AKAP6: variants seen among roughly 807,000 people sequenced by gnomAD.
The protein encoded by AKAP6 is A-kinase anchor protein 6.
A neutral mutation model predicts 188.5 loss-of-function variants in AKAP6; 58 were observed. That is an observed-to-expected ratio of 0.31 (90% confidence interval 0.25 to 0.38). The LOEUF (loss-of-function observed/expected upper bound fraction) is 0.38. Among genes scored for constraint, AKAP6 ranks in the 10% least tolerant of loss-of-function variants. The pLI is 1.00. For missense variants in AKAP6, 2,710 were observed against 2,740.0 expected, an observed-to-expected ratio of 0.99 and a Z score of 0.24; for synonymous variants, 989 against 998.6, an observed-to-expected ratio of 0.99 and a Z score of 0.18.
chr14:32,761,291 C>T (rs532344883), intron 11 of AKAP6, among the ~76,000 whole-genome samples: 1 of 151,972 alleles, frequency 6.6e-6, no homozygotes, highest in Non-Finnish European at 1.5e-5. Context: ...TTGTTATGTC[C>T]CTAGAGTTCT....
chr14:32,333,669 A>T (rs79060508), intron 1 of AKAP6, among the ~76,000 whole-genome samples: 3,343 of 151,954 alleles, frequency 0.022, 45 homozygotes, highest in Middle Eastern at 0.037. Context: ...ATGGGTTTGG[A>T]TTAGAATCTT....
At chr14:32,448,707 A>G (rs560263706) in intron 2 of AKAP6, among the ~76,000 whole-genome samples, 1 of 152,352 alleles carries the variant, frequency 6.6e-6, no homozygotes, top group African/African-American at 2.4e-5. Context: ...TTTGCATACT[A>G]TATCAAGAGA....
chr14:32,466,845 A>ATATATATATATATATATATATATG (rs1555331130), intron 2 of AKAP6, among the ~76,000 whole-genome samples: 1 of 144,222 alleles, frequency 6.9e-6, no homozygotes, highest in African/African-American at 2.6e-5. Flanking sequence ...ATATATATAT[A>ATATATATATATATATATATATATG]TTTTCTTTCT....
At chr14:32,667,228 A>G (rs1888981840) in intron 7 of AKAP6, among the ~76,000 whole-genome samples, 1 of 152,132 alleles carries the variant, frequency 6.6e-6, no homozygotes, top group African/African-American at 2.4e-5. Context: ...GGCTCAGCTG[A>G]ATGCCAAAAA....
rs546667035 is a variant in AKAP6, at chr14:32,360,890, C to T, written c.-35+31482C>T. Among the ~76,000 whole-genome samples, 113 of 151,640 alleles carry T rather than the reference C, an allele frequency of 7.5e-4. 2 individuals carry two copies. The highest frequency in any genetic ancestry group is 3.4e-3 in the Middle Eastern group (1 of 294). ...TCCTGAGTAGCTGGGACCATAAGCACGTGCCACCATGCCCAGCTAATTAAA... is the reference window on the plus strand; with the variant it reads ...TCCTGAGTAGCTGGGACCATAAGCATGTGCCACCATGCCCAGCTAATTAAA... On this transcript the variant is annotated intron_variant, in intron 1 of 13. Coordinates refer to ENST00000280979, the MANE Select transcript of AKAP6 (RefSeq NM_004274.5).
chr14:32,752,038 A>G (rs2032159526), intron 11 of AKAP6, among the ~76,000 whole-genome samples: 1 of 152,130 alleles, frequency 6.6e-6, no homozygotes, highest in Admixed American at 6.5e-5. Flanking sequence ...GTCCCTTTTT[A>G]AGGAGTTTTT....
At chr14:32,557,864 T>C (rs1297282345) in intron 4 of AKAP6, among the ~76,000 whole-genome samples, 1 of 151,382 alleles carries the variant, frequency 6.6e-6, no homozygotes, top group Non-Finnish European at 1.5e-5. Flanking sequence ...CTGTCACCCA[T>C]TTTTTTTTAA....
At position 32,769,037 on chromosome 14, in the gene AKAP6, A is replaced by ATTTTTTTTTTTTTTTTTTTTTTTTTTTT. The variant is rs544997334; in HGVS notation, c.3373-4614_3373-4613insTTTTTTTTTTTTTTTTTTTTTTTTTTTT. ...ACTAGGGGATGCAGCTGCTCTTTTG[A>ATTTTTTTTTTTTTTTTTTTTTTTTTTTT]TTTTTTTTTTTTTTTTTTTTTTTTT... On this transcript the variant is annotated intron_variant, in intron 11 of 13. Transcript: ENST00000280979. Among the ~76,000 whole-genome samples, 14 of 56,922 alleles carry ATTTTTTTTTTTTTTTTTTTTTTTTTTTT rather than the reference A, an allele frequency of 2.5e-4. 5 individuals are homozygous for ATTTTTTTTTTTTTTTTTTTTTTTTTTTT. The highest frequency in any genetic ancestry group is 1.6e-3 in the East Asian group (2 of 1,262). 37.3% of individuals were successfully genotyped at this position (56,922 alleles called of 152,430 possible).
intron 7 of AKAP6, among the ~76,000 whole-genome samples, chr14:32,632,473 A>G (rs1887316756): frequency 6.6e-6 from 1 of 152,120 alleles, no homozygotes; most frequent in Non-Finnish European, 1.5e-5. Flanking sequence ...TGCAAGAAAG[A>G]AGAGAGACCA....
intron 1 of AKAP6, among the ~76,000 whole-genome samples, chr14:32,341,270 T>C (rs1473758668): frequency 6.6e-6 from 1 of 152,200 alleles, no homozygotes; most frequent in Non-Finnish European, 1.5e-5. Context: ...ACCCTTCCTA[T>C]TGGGTATAGA....
chr14:32,724,548 A>G (rs1480395696), intron 9 of AKAP6, among the ~76,000 whole-genome samples: 1 of 152,228 alleles, frequency 6.6e-6, no homozygotes, highest in East Asian at 1.9e-4. Context: ...TATTGCTACA[A>G]AATTGCATTG....
intron 2 of AKAP6, among the ~76,000 whole-genome samples, chr14:32,506,860 A>C (rs1020539289): frequency 6.6e-6 from 1 of 152,110 alleles, no homozygotes; most frequent in Admixed American, 6.5e-5. Flanking sequence ...TACCTCAAAA[A>C]AATTGCGCAT....
At chr14:32,363,536 G>A (rs1887731192) in intron 1 of AKAP6, among the ~76,000 whole-genome samples, 1 of 152,190 alleles carries the variant, frequency 6.6e-6, no homozygotes, top group Non-Finnish European at 1.5e-5. Flanking sequence ...CAAATCACTG[G>A]TGTAAGTCCA....
In AKAP6 at chr14:32,597,012, G is replaced by T. The variant is rs184579517; in HGVS notation, c.2470-2398G>T. On this transcript the variant is annotated intron_variant, in intron 5 of 13. Transcript: ENST00000280979. ...AAATCAAGCAATATTGTACCATTTG[G>T]GTAATAGTTATGTTAAATGGTTCTT... is the stretch of plus-strand genomic sequence containing the variant. 2.2e-3 allele frequency among the ~76,000 whole-genome samples: 332 copies of T among 152,146 alleles called. 4 individuals are homozygous for T. Among genetic ancestry groups the T allele is most frequent in the African/African-American group, 7.4e-3 (309 of 41,514 alleles).
intron 12 of AKAP6, among the ~76,000 whole-genome samples, chr14:32,811,761 C>A (rs1294399245): frequency 6.6e-6 from 1 of 152,076 alleles, no homozygotes; most frequent in African/African-American, 2.4e-5. Context: ...CGTGAGTGAA[C>A]TCTATTATCT....
chr14:32,579,913 A>G (rs1050210767), intron 5 of AKAP6, among the ~76,000 whole-genome samples: 1 of 152,096 alleles, frequency 6.6e-6, no homozygotes, highest in Non-Finnish European at 1.5e-5. Context: ...AGAGGTAGCT[A>G]CACAAGTTTC....
intron 6 of AKAP6, among the ~76,000 whole-genome samples, chr14:32,600,342 C>T (rs112918133): frequency 3.3e-5 from 5 of 151,984 alleles, no homozygotes; most frequent in African/African-American, 9.7e-5. Flanking sequence ...AATTTTTATA[C>T]ATTGTGATTT....
intron 10 of AKAP6, 37 bp from the exon 11 acceptor site, chr14:32,735,621 T>TTCGG: frequency 4.2e-6 from 6 of 1,443,072 alleles, no homozygotes; most frequent in Non-Finnish European, 5.6e-6. Flanking sequence ...TTTTTGTTTG[T>TTCGG]TTGTTTTATT....
In AKAP6 at chr14:32,600,725, C is replaced by A. The variant is rs147851691; in HGVS notation, c.2663C>A (p.Thr888Asn). The change falls in exon 7 of 14, where the codon ACC becomes AAC. Residue 888 changes from threonine (T) to asparagine (N), a missense_variant. By Grantham distance (65) the Thr-to-Asn change is moderately conservative. Around this residue, in one of 2 missense-constraint regions of AKAP6, gnomAD observed 2,473 missense variants for 2,426.1 expected, o/e 1.02. Coordinates refer to ENST00000280979, the MANE Select transcript of AKAP6 (RefSeq NM_004274.5). Reference protein sequence around the residue: ...QHSWILRALDTIKAEILATDV... With the variant: ...QHSWILRALDNIKAEILATDV... ...AGCTGGATTCTCAGGGCTCTGGATACCATCAAAGCCGAGATACTGGCTACT... is the reference window on the plus strand; with the variant it reads ...AGCTGGATTCTCAGGGCTCTGGATAACATCAAAGCCGAGATACTGGCTACT... The A allele has an allele frequency of 5.8e-4, 929 of 1,613,434 alleles. No individual in the cohort carries two copies. The highest frequency in any genetic ancestry group is 7.5e-4 in the Non-Finnish European group (889 of 1,179,732).
Sources: gnomAD v4.1 joint callset for allele counts (sites outside exome capture counted in the v4.1 genomes callset) on GRCh38, gnomAD v4.1.1 for gene constraint, gnomAD v4.1.1 regional missense constraint, MANE v1.5 for transcripts, NCBI Gene and HGNC (gene_info 2026-07-23, HGNC 2026-07-21) for gene names.